Variants in NPAS3 observed in about 807,000 individuals in gnomAD.
NPAS3 encodes neuronal PAS domain-containing protein 3.
A neutral mutation model predicts 73.1 loss-of-function variants in NPAS3; 14 were observed. The ratio of observed to expected loss-of-function variants is 0.19; its 90% confidence interval spans 0.13 to 0.30. The LOEUF (loss-of-function observed/expected upper bound fraction) is 0.30, where lower values mean the gene tolerates loss of function less well. Among genes scored for constraint, NPAS3 ranks in the 10% least tolerant of loss-of-function variants. The pLI is 1.00. For missense variants in NPAS3, 1,096 were observed against 1,250.0 expected (o/e 0.88, Z 1.86); for synonymous variants, 620 against 541.5 (o/e 1.14, Z -2.01).
intron 4 of NPAS3, among the ~76,000 whole-genome samples, chr14:33,525,943 T>C (rs1451981304): frequency 6.6e-6 from 1 of 150,572 alleles, no homozygotes; most frequent in Non-Finnish European, 1.5e-5. Flanking sequence ...CAAAAATAAA[T>C]GAGAAGAGAC....
intron 4 of NPAS3, among the ~76,000 whole-genome samples, chr14:33,411,221 C>T (rs1236163954): frequency 6.6e-6 from 1 of 152,194 alleles, no homozygotes; most frequent in African/African-American, 2.4e-5. Flanking sequence ...CGGAGTCTCA[C>T]TTTGTCACCC....
rs147032671 is a variant in NPAS3 at position 33,446,471 on chromosome 14, G to A, written c.468+79203G>A. On this transcript the variant is annotated intron_variant, in intron 4 of 11. Coordinates refer to ENST00000356141, the Ensembl canonical transcript of NPAS3. ...ATTACAGGCGTGAGCCACCGCGCCCGGCCACTTCATGCTTTCTAATAAGCA... is the reference window on the plus strand; with the variant it reads ...ATTACAGGCGTGAGCCACCGCGCCCAGCCACTTCATGCTTTCTAATAAGCA... 7.4e-3 allele frequency among the ~76,000 whole-genome samples: 1,128 copies of A among 152,194 alleles called. 12 individuals are homozygous for A. The highest frequency in any genetic ancestry group is 0.025 in the African/African-American group (1,050 of 41,556).
chr14:33,155,573 A>G (rs1055279709), intron 2 of NPAS3, among the ~76,000 whole-genome samples: 1 of 152,198 alleles, frequency 6.6e-6, no homozygotes, highest in Non-Finnish European at 1.5e-5. Context: ...TTCCGAGTAG[A>G]GATTATATAC....
chr14:33,762,646 G>A (rs1277966351), intron 7 of NPAS3, among the ~76,000 whole-genome samples: 1 of 152,134 alleles, frequency 6.6e-6, no homozygotes, highest in African/African-American at 2.4e-5. Context: ...TGGTATGGAG[G>A]AAACTGCTGT....
At chr14:32,968,772 C>T (rs1382598938) in intron 1 of NPAS3, among the ~76,000 whole-genome samples, 3 of 146,126 alleles carry the variant, frequency 2.1e-5, no homozygotes, top group Admixed American at 6.8e-5. Context: ...TACTTTCTTT[C>T]TTTTTTTTTT....
intron 6 of NPAS3, among the ~76,000 whole-genome samples, chr14:33,697,838 G>A (rs1417028172): frequency 6.6e-6 from 1 of 152,188 alleles, no homozygotes; most frequent in Non-Finnish European, 1.5e-5. Context: ...CTAAAGAATT[G>A]TGTAGCTAGT....
intron 5 of NPAS3, among the ~76,000 whole-genome samples, chr14:33,630,421 T>TCCTTAATTATCCTTAATTATCTTAGTATA (rs1224913571): frequency 1.3e-5 from 2 of 152,206 alleles, no homozygotes; most frequent in African/African-American, 4.8e-5. Context: ...TTCTTAGTAT[T>TCCTTAATTATCCTTAATTATCTTAGTATA]CCTTAATTAT....
chr14:33,096,903 T>C (rs1304159686), intron 2 of NPAS3, among the ~76,000 whole-genome samples: 2 of 152,218 alleles, frequency 1.3e-5, no homozygotes, highest in Non-Finnish European at 2.9e-5. Context: ...TTTAGTCATC[T>C]GAAACTCTGC....
At chr14:33,198,835 G>C (rs867308187) in intron 2 of NPAS3, among the ~76,000 whole-genome samples, 6 of 152,208 alleles carry the variant, frequency 3.9e-5, no homozygotes, top group African/African-American at 1.4e-4. Context: ...GCCCACTGTG[G>C]GGGAGCTTGG....
intron 1 of NPAS3, among the ~76,000 whole-genome samples, chr14:32,989,684 A>T (rs1156260305): frequency 1.3e-5 from 2 of 151,960 alleles, no homozygotes; most frequent in Non-Finnish European, 2.9e-5. Flanking sequence ...ACAAAACAAA[A>T]AAAACCTTGT....
At chr14:33,640,905 A>G (rs2058658346) in intron 5 of NPAS3, among the ~76,000 whole-genome samples, 2 of 152,220 alleles carry the variant, frequency 1.3e-5, no homozygotes, top group Admixed American at 1.3e-4. Flanking sequence ...ATCAGATTAT[A>G]GGTACTGCAT....
chr14:33,163,623 G>GTTTTTTTTTTTTTTTTTTTTTTT (rs71448290), intron 2 of NPAS3, among the ~76,000 whole-genome samples: 1 of 110,622 alleles, frequency 9.0e-6, no homozygotes, highest in Non-Finnish European at 1.9e-5. Context: ...GTGTTTTGTT[G>GTTTTTTTTTTTTTTTTTTTTTTT]TTTTTTTTTT....
intron 3 of NPAS3, among the ~76,000 whole-genome samples, chr14:33,253,909 C>T (rs1371371160): frequency 6.6e-6 from 1 of 152,046 alleles, no homozygotes; most frequent in African/African-American, 2.4e-5. Context: ...ATGCTGAACT[C>T]AGTATCATCT....
In NPAS3 at chr14:32,999,510, C is replaced by CA. The variant is rs5807698; in HGVS notation, c.51-56383dup. 8.6e-3 allele frequency among the ~76,000 whole-genome samples: 1,234 copies of CA among 143,158 alleles called. 14 individuals carry two copies. The highest frequency in any genetic ancestry group is 0.024 in the African/African-American group (954 of 39,826). The allele number at this position is 143,158 out of a possible 152,430, so 93.9% of individuals were successfully genotyped here. ...TGGGTGACAGTATGAGATTCTATCT[C>CA]AAAAAAAAAAAATAAAAGTTATATT... On this transcript the variant is annotated intron_variant, in intron 1 of 11. Transcript: ENST00000356141.
intron 3 of NPAS3, among the ~76,000 whole-genome samples, chr14:33,288,017 G>A (rs1181777814): frequency 1.3e-5 from 2 of 151,956 alleles, no homozygotes; most frequent in East Asian, 3.9e-4. Context: ...GCACTATCTA[G>A]TATTTATTGA....
intron 4 of NPAS3, among the ~76,000 whole-genome samples, chr14:33,525,680 G>C (rs1353275914): frequency 1.6e-4 from 24 of 151,988 alleles, no homozygotes; most frequent in Admixed American, 1.6e-3. Context: ...ATCCAGAAGG[G>C]AGAAGCTTTG....
intron 8 of NPAS3, among the ~76,000 whole-genome samples, chr14:33,777,459 T>G (rs1275857049): frequency 2.0e-5 from 3 of 152,064 alleles, no homozygotes; most frequent in Admixed American, 2.0e-4. Context: ...TTCCCTGCCT[T>G]GGGGGCCAGA....
At chr14:33,705,044 C>A (rs2060620165) in intron 6 of NPAS3, among the ~76,000 whole-genome samples, 1 of 152,174 alleles carries the variant, frequency 6.6e-6, no homozygotes, top group African/African-American at 2.4e-5. Context: ...TATTGCATCT[C>A]TTCCACTTTT....
At chr14:33,338,226 A>T (rs2044315365) in intron 3 of NPAS3, among the ~76,000 whole-genome samples, 1 of 152,126 alleles carries the variant, frequency 6.6e-6, no homozygotes, top group South Asian at 2.1e-4. Flanking sequence ...TTATTTCTGA[A>T]TATTTTAATG....
Sources: allele counts gnomAD v4.1 joint callset (sites outside exome capture counted in the v4.1 genomes callset), GRCh38; gene constraint gnomAD v4.1.1; transcripts MANE v1.5; gene names NCBI Gene and HGNC (gene_info 2026-07-23, HGNC 2026-07-21).